The following MRPL30 variants were observed in gnomAD, a reference collection of about 807,000 sequenced individuals.
MRPL30 encodes mitochondrial ribosomal protein L30.
A neutral mutation model predicts 17.2 loss-of-function variants in MRPL30; 10 were observed. The ratio of observed to expected loss-of-function variants is 0.58; its 90% confidence interval spans 0.36 to 0.99. The LOEUF is 0.99. MRPL30 is among the 50% of genes least tolerant of loss of function. MRPL30 has a pLI of 0.01. For missense variants in MRPL30, 170 were observed against 189.8 expected, an observed-to-expected ratio of 0.90 and a Z score of 0.61; for synonymous variants, 61 against 62.1, an observed-to-expected ratio of 0.98 and a Z score of 0.08.
chr2:99,182,277 C>T (rs1164718237), intron 1 of MRPL30, among the ~76,000 whole-genome samples: 6 of 152,206 alleles, frequency 3.9e-5, no homozygotes, highest in East Asian at 1.9e-4. Context: ...TATTCCTTGC[C>T]GGGCGTGGTG....
Position 99,197,871 on chromosome 2 carries a change from T to C in MRPL30, c.*2166T>C, listed in dbSNP as rs1445929504. Among the ~76,000 whole-genome samples the C allele has an allele frequency of 6.6e-6, 1 of 152,158 alleles. No homozygotes were observed. The highest frequency in any genetic ancestry group is 1.5e-5 in the Non-Finnish European group (1 of 68,034). Reference sequence around the variant, plus strand: ...GTTGTCCACACTGATCTGGAGCTTCTAATCTCAAATGATTCTCCTGCCTCA... The same window carrying C: ...GTTGTCCACACTGATCTGGAGCTTCCAATCTCAAATGATTCTCCTGCCTCA... On this transcript the variant is annotated 3_prime_UTR_variant, in exon 6 of 6. Coordinates refer to ENST00000338148, the MANE Select transcript of MRPL30 (RefSeq NM_145212.4).
chr2:99,183,501 G>A (rs139823042), intron 1 of MRPL30, among the ~76,000 whole-genome samples: 2 of 151,846 alleles, frequency 1.3e-5, no homozygotes, highest in East Asian at 1.9e-4. Flanking sequence ...CCCAGGAGGC[G>A]GAGGTTGCAG....
At chr2:99,181,406 G>C (rs2093920618) in intron 1 of MRPL30, among the ~76,000 whole-genome samples, 157 bp downstream of exon 1, 1 of 152,128 alleles carries the variant, frequency 6.6e-6, no homozygotes, top group African/African-American at 2.4e-5. Flanking sequence ...ATTGGCTCCC[G>C]TAAGGCCATT....
rs142395096 is a variant in MRPL30, at chr2:99,191,099, C to T, written c.132+2842C>T. ...TCGGCTCACTGCAACCTCCATCTCC[C>T]GGGTTCAAGCAATTCTCCTGCCTCA... On this transcript the variant is annotated intron_variant, in intron 3 of 5. Coordinates refer to ENST00000338148, the MANE Select transcript of MRPL30 (RefSeq NM_145212.4). Among the ~76,000 whole-genome samples, 98 of 151,936 alleles carry T rather than the reference C, an allele frequency of 6.5e-4. 1 individual carries two copies. The East Asian group carries it at 9.9e-3, about 15-fold the overall frequency.
At position 99,199,121 on chromosome 2, in the gene MRPL30, CTTGT is replaced by C. The variant is rs200255297; in HGVS notation, c.*3419_*3422del. Among the ~76,000 whole-genome samples the C allele has an allele frequency of 0.011, 1,652 of 152,196 alleles. 10 individuals carry two copies. Among genetic ancestry groups the C allele is most frequent in the Middle Eastern group, 0.027 (8 of 294 alleles). On this transcript the variant is annotated 3_prime_UTR_variant, in exon 6 of 6. Coordinates refer to ENST00000338148, the MANE Select transcript of MRPL30 (RefSeq NM_145212.4). ...AAAGAAACTTCCATGCGGAGATTGT[CTTGT>C]TTTTCTCAAAATGGGATAATTTTGC... is the stretch of plus-strand genomic sequence containing the variant.
At chr2:99,190,037 A>G (rs1218743146) in intron 3 of MRPL30, among the ~76,000 whole-genome samples, 1 of 151,712 alleles carries the variant, frequency 6.6e-6, no homozygotes, top group Non-Finnish European at 1.5e-5. Flanking sequence ...AGCGGGGAGG[A>G]TTGCTCAATC....
In MRPL30 at chr2:99,195,471, G is replaced by C. The variant is rs555352714; in HGVS notation, c.354-102G>C. 8 of 1,319,550 alleles carry C rather than the reference G, an allele frequency of 6.1e-6. No homozygotes were observed. The African/African-American group carries it at 1.0e-4, about 17-fold the overall frequency. The allele number at this position is 1,319,550 out of a possible 1,614,324, so 81.7% of individuals were successfully genotyped here. ...GGGAACATTCAACATCCTCCTCCTA[G>C]CTATTTGAAACTATGTGTTATTGTT... is the stretch of plus-strand genomic sequence containing the variant. On this transcript the variant is annotated intron_variant, in intron 5 of 5. Coordinates refer to ENST00000338148, the MANE Select transcript of MRPL30 (RefSeq NM_145212.4).
chr2:99,181,190 C>A lies in MRPL30; in HGVS notation c.-87C>A. On this transcript the variant is annotated 5_prime_UTR_variant, in exon 1 of 6. Transcript: ENST00000338148. ...GCTTTGAGTGTAGCACTTGGTAGTT[C>A]TTCCTCTGCTCTGCTTCCCTTCGGA... The A allele has an allele frequency of 1.6e-6, 1 of 620,292 alleles. No homozygotes were observed. The highest frequency in any genetic ancestry group is 2.6e-6 in the Non-Finnish European group (1 of 378,462). The allele number at this position is 620,292 out of a possible 1,614,324, so 38.4% of individuals were successfully genotyped here. A position where few individuals can be genotyped will look rare whatever the true frequency, so the allele number is the denominator to read the frequency against.
intron 1 of MRPL30, among the ~76,000 whole-genome samples, chr2:99,184,982 A>G (rs1471946538): frequency 1.3e-5 from 2 of 152,290 alleles, no homozygotes; most frequent in Admixed American, 6.5e-5. Context: ...GACCCAGACC[A>G]TTTGCTGGCC....
In MRPL30 at chr2:99,196,784, C is replaced by A. The variant is rs1274209567; in HGVS notation, c.*1079C>A. On this transcript the variant is annotated 3_prime_UTR_variant, in exon 6 of 6. Coordinates refer to ENST00000338148, the MANE Select transcript of MRPL30 (RefSeq NM_145212.4). The stretch of plus-strand genomic sequence containing the variant: ...AAAGTCAAGAAACACTGGATGCCAG[C>A]TAGATTATCTGTTCTGTGCTTTGGT... The A allele has an allele frequency of 2.0e-5, 3 of 152,218 alleles. No homozygotes were observed. The East Asian group carries it at 5.8e-4, about 29-fold the overall frequency. 9.4% of individuals were successfully genotyped at this position (152,218 alleles called of 1,614,324 possible).
chr2:99,194,209 T>G (rs2093951465), intron 3 of MRPL30, among the ~76,000 whole-genome samples: 1 of 152,148 alleles, frequency 6.6e-6, no homozygotes, highest in Admixed American at 6.5e-5. Flanking sequence ...TTATTCGGTA[T>G]ATTTTGTATA....
At chr2:99,186,455 C>G (rs2105243114) in intron 2 of MRPL30, among the ~76,000 whole-genome samples, 1 of 152,292 alleles carries the variant, frequency 6.6e-6, no homozygotes, top group Admixed American at 6.5e-5. Context: ...GCCTCAGCCT[C>G]CTGAGTAGCT....
intron 3 of MRPL30, among the ~76,000 whole-genome samples, chr2:99,189,089 C>T (rs906304194): frequency 1.3e-5 from 2 of 152,162 alleles, no homozygotes; most frequent in African/African-American, 4.8e-5. Context: ...TATGTGCTCC[C>T]TCCGCCCAGC....
chr2:99,192,893 A>G (rs757069200), intron 3 of MRPL30, among the ~76,000 whole-genome samples: 4 of 152,206 alleles, frequency 2.6e-5, no homozygotes, highest in Non-Finnish European at 5.9e-5. Context: ...AACCTAGGCA[A>G]TACCATTCAG....
rs563799817 is a variant in MRPL30 at position 99,198,400 on chromosome 2, T to C, written c.*2695T>C. ...TGTTTCCTTATGGCTGTAGGATTCATGGCAAGTTGCTTCTTCCAAAACCAG... is the reference window on the plus strand; with the variant it reads ...TGTTTCCTTATGGCTGTAGGATTCACGGCAAGTTGCTTCTTCCAAAACCAG... On this transcript the variant is annotated 3_prime_UTR_variant, in exon 6 of 6. Coordinates refer to ENST00000338148, the MANE Select transcript of MRPL30 (RefSeq NM_145212.4). Among the ~76,000 whole-genome samples, 13 of 152,356 alleles carry C rather than the reference T, an allele frequency of 8.5e-5. No homozygotes were observed. The highest frequency in any genetic ancestry group is 3.1e-4 in the African/African-American group (13 of 41,574).
chr2:99,182,512 G>A (rs183512577), intron 1 of MRPL30, among the ~76,000 whole-genome samples: 3 of 152,362 alleles, frequency 2.0e-5, no homozygotes, highest in Admixed American at 6.5e-5. Context: ...CCCAGATCGT[G>A]CCACTGCACT....
Position 99,186,171 on chromosome 2 carries a change from C to T in MRPL30, c.-27-6C>T. 1 of 1,607,892 alleles carries T rather than the reference C, an allele frequency of 6.2e-7. No individual in the cohort carries two copies. Among genetic ancestry groups the T allele is most frequent in the Non-Finnish European group, 8.5e-7 (1 of 1,174,814 alleles). ...GACTGATGGGTCTACTTCCTACTTC[C>T]CACAGCCTCTAAAGAGAGCAATCAC... On this transcript the variant is annotated splice_polypyrimidine_tract_variant and splice_region_variant and intron_variant, in intron 1 of 5. Coordinates refer to ENST00000338148, the MANE Select transcript of MRPL30 (RefSeq NM_145212.4).
Position 99,196,096 on chromosome 2 carries a change from A to T in MRPL30, c.*391A>T, listed in dbSNP as rs554915939. On this transcript the variant is annotated 3_prime_UTR_variant, in exon 6 of 6. Coordinates refer to ENST00000338148, the MANE Select transcript of MRPL30 (RefSeq NM_145212.4). ...ACTCCATCTCAGGGGAAAAAAAAAA[A>T]TTTTTTTTTCACTGACTAAACCTGC... The T allele has an allele frequency of 3.6e-4, 65 of 181,518 alleles. No individual in the cohort carries two copies. The East Asian group carries it at 4.2e-3, about 12-fold the overall frequency. 11.2% of individuals were successfully genotyped at this position (181,518 alleles called of 1,614,324 possible). A position where few individuals can be genotyped will look rare whatever the true frequency, so the allele number is the denominator to read the frequency against.
chr2:99,185,348 G>A (rs1035724003), intron 1 of MRPL30, among the ~76,000 whole-genome samples: 7 of 151,942 alleles, frequency 4.6e-5, no homozygotes, highest in African/African-American at 9.7e-5. Context: ...ATTTATTGAG[G>A]GCTTCCCACA....
Sources: allele counts gnomAD v4.1 joint callset (sites outside exome capture counted in the v4.1 genomes callset), GRCh38; gene constraint gnomAD v4.1.1; transcripts MANE v1.5; gene names NCBI Gene and HGNC (gene_info 2026-07-23, HGNC 2026-07-21).